CDH18: variants seen among roughly 807,000 people sequenced by gnomAD.
CDH18 encodes cadherin 18, also known as cadherin-18.
Under a neutral mutation model 67.9 loss-of-function variants are expected in CDH18, and 31 were observed. The observed-to-expected ratio is 0.46, with a 90% CI of 0.34 to 0.62. The LOEUF is 0.62. Ranked by LOEUF, CDH18 falls within the 20% of genes least tolerant of loss-of-function variation. CDH18 has a pLI of 0.01. For synonymous variants in CDH18, 362 were observed against 347.2 expected, an observed-to-expected ratio of 1.04 and a Z score of -0.48; for missense variants, 890 against 975.5, an observed-to-expected ratio of 0.91 and a Z score of 1.17.
intron 1 of CDH18, among the ~76,000 whole-genome samples, chr5:20,524,742 G>A (rs928571643): frequency 1.3e-5 from 2 of 152,058 alleles, no homozygotes; most frequent in Non-Finnish European, 2.9e-5. Context: ...GAAGAAAAGG[G>A]TTTTCCAGGT....
At chr5:20,290,773 C>T (rs1018776389) in intron 1 of CDH18, among the ~76,000 whole-genome samples, 4 of 152,094 alleles carry the variant, frequency 2.6e-5, no homozygotes, top group Non-Finnish European at 4.4e-5. Flanking sequence ...TGGCTAAAAA[C>T]GAAATAGCAA....
chr5:19,520,925 C>A, intron 9 of CDH18, 147 bp from the exon 10 acceptor site: 1 of 746,152 alleles, frequency 1.3e-6, no homozygotes, highest in Non-Finnish European at 2.2e-6. Flanking sequence ...TGAAGGCGCT[C>A]TTTGCTAGAA....
intron 3 of CDH18, among the ~76,000 whole-genome samples, chr5:19,749,921 T>C (rs1374883367): frequency 1.3e-5 from 2 of 151,878 alleles, no homozygotes; most frequent in Non-Finnish European, 2.9e-5. Flanking sequence ...ATTAGTAAAT[T>C]ATAATTCAGT....
At chr5:20,143,638 G>T (rs568630726) in intron 2 of CDH18, among the ~76,000 whole-genome samples, 90 of 152,224 alleles carry the variant, frequency 5.9e-4, no homozygotes, top group African/African-American at 1.9e-3. Flanking sequence ...GAAAATGCTT[G>T]GATTACAGGT....
intron 10 of CDH18, among the ~76,000 whole-genome samples, chr5:19,510,239 A>G (rs1261768480): frequency 2.0e-5 from 3 of 152,164 alleles, no homozygotes; most frequent in Non-Finnish European, 2.9e-5. Flanking sequence ...TTTTCAAGAT[A>G]TGGTTAAAAG....
intron 5 of CDH18, among the ~76,000 whole-genome samples, chr5:19,700,076 T>C (rs1763037357): frequency 6.6e-6 from 1 of 152,318 alleles, no homozygotes; most frequent in Non-Finnish European, 1.5e-5. Flanking sequence ...TTGTCTTTCG[T>C]CTTTCGAAAG....
At position 19,994,855 on chromosome 5, in the gene CDH18, T is replaced by TATATATATATAG. The variant is rs760777430; in HGVS notation, c.-517-2842_-517-2841insCTATATATATAT. On this transcript the variant is annotated intron_variant, in intron 2 of 14. Coordinates refer to the CDH18 transcript ENST00000507958. ...ATATATATATATATATATATATATATAGAGAGAGAGAGAGAGAGAGAGATG... is the reference window on the plus strand; with the variant it reads ...ATATATATATATATATATATATATATATATATATATAGAGAGAGAGAGAGAGAGAGAGAGATG... Among the ~76,000 whole-genome samples the TATATATATATAG allele has an allele frequency of 2.7e-4, 18 of 67,584 alleles. 2 individuals are homozygous for TATATATATATAG. Among genetic ancestry groups the TATATATATATAG allele is most frequent in the African/African-American group, 1.3e-3 (17 of 13,598 alleles). The allele number at this position is 67,584 out of a possible 152,430, so 44.3% of individuals were successfully genotyped here. A position where few individuals can be genotyped will look rare whatever the true frequency, so the allele number is the denominator to read the frequency against.
At chr5:19,736,421 GAC>G in intron 4 of CDH18, among the ~76,000 whole-genome samples, 1 of 152,088 alleles carries the variant, frequency 6.6e-6, no homozygotes, top group African/African-American at 2.4e-5. Context: ...GGGGAGACAT[GAC>G]ACAGAAGAAT....
At chr5:19,532,147 T>C (rs1303177223) in intron 9 of CDH18, among the ~76,000 whole-genome samples, 2 of 152,142 alleles carry the variant, frequency 1.3e-5, no homozygotes, top group Admixed American at 1.3e-4. Context: ...GCCAATGTAT[T>C]TTTTTGGGTC....
chr5:19,531,394 A>G (rs1483124608), intron 9 of CDH18, among the ~76,000 whole-genome samples: 1 of 152,172 alleles, frequency 6.6e-6, no homozygotes, highest in Non-Finnish European at 1.5e-5. Context: ...GCAAATAAAA[A>G]CCACAATAAG....
intron 3 of CDH18, among the ~76,000 whole-genome samples, chr5:19,814,589 C>G (rs184397389): frequency 1.3e-5 from 2 of 152,000 alleles, no homozygotes; most frequent in Admixed American, 6.6e-5. Flanking sequence ...AAAACTTTCA[C>G]GAACCCTATA....
intron 2 of CDH18, among the ~76,000 whole-genome samples, chr5:20,044,711 T>C (rs1740760186): frequency 6.6e-6 from 1 of 152,128 alleles, no homozygotes; most frequent in South Asian, 2.1e-4. Context: ...TAGATTTATG[T>C]AAGCAGTTAA....
At chr5:20,063,887 T>C (rs1580157406) in intron 2 of CDH18, among the ~76,000 whole-genome samples, 1 of 152,256 alleles carries the variant, frequency 6.6e-6, no homozygotes, top group African/African-American at 2.4e-5. Context: ...GTCTTCACAA[T>C]TTGACACCAT....
At chr5:19,611,183 A>G (rs1177232434) in intron 6 of CDH18, among the ~76,000 whole-genome samples, 1 of 152,160 alleles carries the variant, frequency 6.6e-6, no homozygotes, top group African/African-American at 2.4e-5. Context: ...ACCTGCAGAA[A>G]TTAGTATAAC....
intron 1 of CDH18, among the ~76,000 whole-genome samples, chr5:20,260,574 G>T: frequency 6.6e-6 from 1 of 152,136 alleles, no homozygotes; most frequent in African/African-American, 2.4e-5. Flanking sequence ...GACTTAAACA[G>T]TTCTGTATTA....
At chr5:19,669,041 T>C (rs1758351402) in intron 5 of CDH18, among the ~76,000 whole-genome samples, 1 of 149,968 alleles carries the variant, frequency 6.7e-6, no homozygotes, top group Non-Finnish European at 1.5e-5. Context: ...TGGACATTCA[T>C]ACCATAAAGT....
chr5:20,227,693 C>T (rs972669882), intron 2 of CDH18, among the ~76,000 whole-genome samples: 14 of 151,952 alleles, frequency 9.2e-5, no homozygotes, highest in African/African-American at 3.4e-4. Context: ...CGCTATGTTG[C>T]TCAGTCTGGT....
At chr5:20,375,182 T>A (rs927191471) in intron 1 of CDH18, among the ~76,000 whole-genome samples, 2 of 152,212 alleles carry the variant, frequency 1.3e-5, no homozygotes, top group African/African-American at 4.8e-5. Flanking sequence ...TCTCAGTTAT[T>A]CCTTATAAGC....
intron 1 of CDH18, chr5:20,305,403 T>C (rs1166151196): frequency 4.5e-6 from 7 of 1,542,940 alleles, no homozygotes; most frequent in Admixed American, 1.7e-5. Flanking sequence ...CTTCATCTTC[T>C]TGATCCCAAT....
Sources: allele counts gnomAD v4.1 joint callset (sites outside exome capture counted in the v4.1 genomes callset), GRCh38; gene constraint gnomAD v4.1.1; transcripts MANE v1.5; gene names NCBI Gene and HGNC (gene_info 2026-07-23, HGNC 2026-07-21).